The following ZNF438 variants were observed in gnomAD, a reference collection of about 807,000 sequenced individuals.
ZNF438 encodes the protein zinc finger protein 438.
In ZNF438, 25 loss-of-function variants were observed where a neutral mutation model predicts 38.0. That is an observed-to-expected ratio of 0.66 (90% CI 0.48 to 0.92). ZNF438 has a LOEUF of 0.92. ZNF438 is among the 40% of genes least tolerant of loss of function. ZNF438 has a pLI of 0.00. For synonymous variants in ZNF438, 372 were observed against 364.1 expected, an observed-to-expected ratio of 1.02 and a Z score of -0.25; for missense variants, 1,007 against 999.6, an observed-to-expected ratio of 1.01 and a Z score of -0.10.
intron 1 of ZNF438, among the ~76,000 whole-genome samples, chr10:30,942,161 C>T (rs769268808): frequency 1.3e-5 from 2 of 152,130 alleles, no homozygotes; most frequent in Non-Finnish European, 2.9e-5. Context: ...TGTGGGAAGG[C>T]TCTGCCTTAT....
At position 30,953,325 on chromosome 10, in the gene ZNF438, C is replaced by T. The variant is rs1394049982; in HGVS notation, c.-191-11674G>A. On this transcript the variant is annotated intron_variant, in intron 1 of 5. Coordinates refer to ENST00000413025, the Ensembl canonical transcript of ZNF438. ...CTAGATGACGAGTTAGTGGGTGCAG[C>T]GCACCAGCGTGGCACATGTATACAT... Among the ~76,000 whole-genome samples the T allele has an allele frequency of 4.0e-5, 6 of 151,886 alleles. No individual in the cohort carries two copies. The East Asian group carries it at 7.7e-4, about 20-fold the overall frequency.
chr10:30,905,082 A>G (rs1290250132), intron 3 of ZNF438, among the ~76,000 whole-genome samples: 1 of 152,346 alleles, frequency 6.6e-6, no homozygotes, highest in East Asian at 1.9e-4. Flanking sequence ...TATACTTCAC[A>G]TACTGTAACA....
intron 1 of ZNF438, among the ~76,000 whole-genome samples, chr10:31,013,953 T>G (rs933145290): frequency 2.0e-5 from 3 of 152,158 alleles, no homozygotes; most frequent in Non-Finnish European, 4.4e-5. Flanking sequence ...TACTTAACCC[T>G]CTGCAATCTG....
intron 3 of ZNF438, among the ~76,000 whole-genome samples, chr10:30,890,177 T>C (rs1401449522): frequency 6.6e-6 from 1 of 152,082 alleles, no homozygotes; most frequent in African/African-American, 2.4e-5. Flanking sequence ...GATCTAATCA[T>C]TGACTGTTAT....
chr10:30,922,654 T>G (rs1268109646), intron 2 of ZNF438, among the ~76,000 whole-genome samples: 1 of 151,916 alleles, frequency 6.6e-6, no homozygotes, highest in African/African-American at 2.4e-5. Context: ...GACAACATGG[T>G]GAAACCCCTT....
chr10:31,002,588 T>C (rs866095583), intron 1 of ZNF438, among the ~76,000 whole-genome samples: 2 of 152,222 alleles, frequency 1.3e-5, no homozygotes, highest in South Asian at 4.1e-4. Context: ...TAGCTAGACC[T>C]GATTTAAAAA....
chr10:30,960,807 T>C (rs1007861526), intron 1 of ZNF438, among the ~76,000 whole-genome samples: 6 of 142,362 alleles, frequency 4.2e-5, no homozygotes, highest in African/African-American at 1.5e-4. Context: ...TAGATATAAA[T>C]ATAAAAATAA....
chr10:30,975,977 CAT>C lies in ZNF438; in HGVS notation c.-191-34328_-191-34327del, dbSNP rs931181986. ...AAACAGAGAAGCAGATAAGTAAAAA[CAT>C]ATTAAATTTCTCATTTATCAAGAGA... On this transcript the variant is annotated intron_variant, in intron 1 of 5. Coordinates refer to ENST00000413025, the Ensembl canonical transcript of ZNF438. Among the ~76,000 whole-genome samples the C allele has an allele frequency of 9.2e-5, 14 of 151,996 alleles. 1 individual carries two copies. The South Asian group carries it at 2.1e-3, about 23-fold the overall frequency.
At chr10:30,888,824 G>A (rs2040302936) in intron 3 of ZNF438, among the ~76,000 whole-genome samples, 1 of 152,162 alleles carries the variant, frequency 6.6e-6, no homozygotes, top group South Asian at 2.1e-4. Flanking sequence ...GAATAGTGCT[G>A]CAATGAACAT....
intron 1 of ZNF438, among the ~76,000 whole-genome samples, chr10:31,011,942 C>T (rs903162459): frequency 5.3e-5 from 8 of 152,078 alleles, no homozygotes; most frequent in Non-Finnish European, 1.2e-4. Flanking sequence ...TCCTCACTCA[C>T]GCTCCCCAGT....
rs112589626 is a variant in ZNF438 at position 30,865,370 on chromosome 10, A to G, written c.37+11628T>C. On this transcript the variant is annotated intron_variant, in intron 4 of 5. Transcript: ENST00000413025. ...CAAATCAGGCTCACACCAGAATCTG[A>G]CTTTTCTGAAGCAACAATTACACAA... Among the ~76,000 whole-genome samples, 799 of 152,354 alleles carry G rather than the reference A, an allele frequency of 5.2e-3. 9 individuals are homozygous for G. Among genetic ancestry groups the G allele is most frequent in the African/African-American group, 0.018 (755 of 41,572 alleles).
intron 1 of ZNF438, among the ~76,000 whole-genome samples, chr10:31,020,622 G>T (rs1319812990): frequency 6.6e-6 from 1 of 152,022 alleles, no homozygotes; most frequent in Non-Finnish European, 1.5e-5. Context: ...TTTAAAGGAG[G>T]TTGCATTCCC....
intron 1 of ZNF438, among the ~76,000 whole-genome samples, chr10:31,021,088 ACT>A (rs2056561733): frequency 6.9e-6 from 1 of 144,354 alleles, no homozygotes; most frequent in Non-Finnish European, 1.5e-5. Context: ...ACAGGCTCTC[ACT>A]CTGTCACCCA....
chr10:30,936,358 G>A (rs1440870904), intron 2 of ZNF438, among the ~76,000 whole-genome samples: 1 of 152,162 alleles, frequency 6.6e-6, no homozygotes, highest in Non-Finnish European at 1.5e-5. Flanking sequence ...TGGGTGATTA[G>A]CAGAAATCTA....
chr10:30,880,760 T>C (rs2039133864), intron 3 of ZNF438, among the ~76,000 whole-genome samples: 1 of 152,104 alleles, frequency 6.6e-6, no homozygotes, highest in Non-Finnish European at 1.5e-5. Context: ...AAACTACTAG[T>C]AAATCAAATC....
At position 30,893,351 on chromosome 10, in the gene ZNF438, C is replaced by CA. The variant is rs150220247; in HGVS notation, c.-32+15581dup. ...TATGGGAAGTCCCACCAACAAACTACAAATGGGAAAAGGAGTCCGTTGCAA... is the reference window on the plus strand; with the variant it reads ...TATGGGAAGTCCCACCAACAAACTACAAAATGGGAAAAGGAGTCCGTTGCAA... On this transcript the variant is annotated intron_variant, in intron 3 of 5. Coordinates refer to ENST00000413025, the Ensembl canonical transcript of ZNF438. 1.7e-3 allele frequency among the ~76,000 whole-genome samples: 255 copies of CA among 152,280 alleles called. 1 individual carries two copies. Among genetic ancestry groups the CA allele is most frequent in the African/African-American group, 6.0e-3 (249 of 41,552 alleles).
At chr10:30,979,787 G>A (rs1369756701) in intron 1 of ZNF438, among the ~76,000 whole-genome samples, 1 of 152,168 alleles carries the variant, frequency 6.6e-6, no homozygotes, top group Non-Finnish European at 1.5e-5. Flanking sequence ...TCTTTAAACT[G>A]AGGAGAAATC....
At chr10:30,874,147 TATATATATATATATA>T (rs1564541559) in intron 4 of ZNF438, among the ~76,000 whole-genome samples, 1 of 76,844 alleles carries the variant, frequency 1.3e-5, no homozygotes, top group Non-Finnish European at 2.5e-5. Context: ...TATATATATA[TATATATATATATATA>T]TTTAGAGACA....
intron 1 of ZNF438, among the ~76,000 whole-genome samples, chr10:30,981,867 G>A (rs2052197154): frequency 6.9e-6 from 1 of 145,750 alleles, no homozygotes; most frequent in Non-Finnish European, 1.5e-5. Context: ...GACAGAGCGA[G>A]ACTCCATCTC....
Sources: gnomAD v4.1 joint callset for allele counts (sites outside exome capture counted in the v4.1 genomes callset) on GRCh38, gnomAD v4.1.1 for gene constraint, MANE v1.5 for transcripts, NCBI Gene and HGNC (gene_info 2026-07-23, HGNC 2026-07-21) for gene names.